RUBCNL: variants seen among roughly 807,000 people sequenced by gnomAD.
RUBCNL encodes the protein rubicon like autophagy enhancer, also known as protein associated with UVRAG as autophagy enhancer.
In RUBCNL, 62 loss-of-function variants were observed where a neutral mutation model predicts 69.5. The ratio of observed to expected loss-of-function variants is 0.89; its 90% confidence interval spans 0.73 to 1.10. The LOEUF is 1.10. Among genes scored for constraint, RUBCNL ranks in the 50% least tolerant of loss-of-function variants. The probability of loss-of-function intolerance (pLI) is 0.00; values close to 1 mark genes in which losing one functional copy is unlikely to be tolerated. For synonymous variants in RUBCNL, 291 were observed against 303.6 expected (o/e 0.96, Z 0.43); for missense variants, 768 against 798.1 (o/e 0.96, Z 0.45).
chr13:46,350,398 CT>C, intron 10 of RUBCNL, 47 bp from the exon 11 acceptor site: 1 of 1,384,474 alleles, frequency 7.2e-7, no homozygotes, highest in Non-Finnish European at 9.8e-7. Context: ...TGCTGAAAAC[CT>C]ATCCTGGTAT....
At chr13:46,365,819 A>G (rs1473843966) in intron 5 of RUBCNL, among the ~76,000 whole-genome samples, 2 of 152,248 alleles carry the variant, frequency 1.3e-5, no homozygotes, top group Non-Finnish European at 2.9e-5. Context: ...TCAGCAAGCC[A>G]TTATAGAGGA....
chr13:46,357,652 T>C (rs1202056312), intron 9 of RUBCNL, among the ~76,000 whole-genome samples: 1 of 148,024 alleles, frequency 6.8e-6, no homozygotes. Context: ...TTTTTTGAGA[T>C]GGAGTCTTAT....
rs750226595 is a variant in RUBCNL, at chr13:46,372,301, C to T, written c.175G>A (p.Val59Met). Residue 59 changes from valine (V) to methionine (M), a missense_variant, in exon 3 of 15, where the codon GTG (valine) becomes ATG (methionine). Physicochemically the swap from Val to Met is conservative, Grantham distance 21 (BLOSUM62 1). Coordinates refer to ENST00000429979, the MANE Select transcript of RUBCNL (RefSeq NM_025113.5). Reference protein sequence around the residue: ...HKAVWINPQDVQQQPQDLQSQ... With the variant: ...HKAVWINPQDMQQQPQDLQSQ... ...TGCAAGTCCTGCGGCTGTTGCTGCACATCCTGGGGGTTAATCCAGACAGCT... is the reference window on the plus strand; with the variant it reads ...TGCAAGTCCTGCGGCTGTTGCTGCATATCCTGGGGGTTAATCCAGACAGCT... The T allele has an allele frequency of 6.2e-7, 1 of 1,614,004 alleles. No homozygotes were observed. The highest frequency in any genetic ancestry group is 1.1e-5 in the South Asian group (1 of 91,082).
At chr13:46,361,924 T>A (rs561102383) in intron 7 of RUBCNL, among the ~76,000 whole-genome samples, 26 of 152,108 alleles carry the variant, frequency 1.7e-4, no homozygotes, top group Non-Finnish European at 3.5e-4. Flanking sequence ...AAAATGAGGT[T>A]TAAAAATACA....
Position 46,361,535 on chromosome 13 carries a change from A to C in RUBCNL, c.1025T>G (p.Leu342Ter). ...GAACACGCGGTACAGCTCTTTGGCT[A>C]ATAGTTCTGCAGAATTGAAGTCTGG... ...YEPDFNSAEL[L>*]AKELYRVFQK... Residue 342 changes from leucine (L) to a stop codon, truncating the protein, a stop_gained, in exon 8 of 15, where the codon TTA (leucine) becomes TGA (stop). Coordinates refer to ENST00000429979, the MANE Select transcript of RUBCNL (RefSeq NM_025113.5). LOFTEE classifies it high-confidence loss of function. 1.9e-6 allele frequency: 3 copies of C among 1,610,274 alleles called. No individual in the cohort carries two copies. Among genetic ancestry groups the C allele is most frequent in the Non-Finnish European group, 2.5e-6 (3 of 1,178,018 alleles).
chr13:46,355,221 T>C (rs116317337), intron 10 of RUBCNL, among the ~76,000 whole-genome samples: 242 of 151,806 alleles, frequency 1.6e-3, no homozygotes, highest in African/African-American at 5.7e-3. Flanking sequence ...GACATACAGG[T>C]ACCATCAGAG....
chr13:46,345,662 G>C (rs563914391), intron 12 of RUBCNL, 62 bp from the exon 13 acceptor site: 48 of 1,516,996 alleles, frequency 3.2e-5, no homozygotes, highest in Non-Finnish European at 3.1e-5. Context: ...AGGGAAGAAT[G>C]GGGCCAGTTG....
At chr13:46,358,435 A>C (rs908485193) in intron 9 of RUBCNL, among the ~76,000 whole-genome samples, 21 of 152,246 alleles carry the variant, frequency 1.4e-4, no homozygotes, top group Non-Finnish European at 2.8e-4. Context: ...AATTACAATT[A>C]AACTATTACT....
At chr13:46,348,824 G>A (rs555020859) in intron 12 of RUBCNL, among the ~76,000 whole-genome samples, 48 of 152,120 alleles carry the variant, frequency 3.2e-4, no homozygotes, top group African/African-American at 9.6e-4. Context: ...GGATGGTCTC[G>A]ATCTCTTGAC....
At chr13:46,365,252 G>A (rs2048724485) in intron 5 of RUBCNL, among the ~76,000 whole-genome samples, 2 of 141,282 alleles carry the variant, frequency 1.4e-5, no homozygotes, top group Non-Finnish European at 3.0e-5. Flanking sequence ...GCTGTGAGCC[G>A]AGATCGCACC....
In RUBCNL at chr13:46,337,538, A is replaced by G. The variant is rs981601536; in HGVS notation, c.*5847T>C. 6.6e-6 allele frequency among the ~76,000 whole-genome samples: 1 copy of G among 152,152 alleles called. No homozygotes were observed. On this transcript the variant is annotated 3_prime_UTR_variant, in exon 15 of 15. Transcript: ENST00000429979. ...GGAAGTGGTCCCTCAATAGACATCA[A>G]ATCTGCTGTTGTCTTGATCTTGGAC...
intron 1 of RUBCNL, 105 bp from the exon 2 acceptor site, chr13:46,378,110 T>G (rs1594181092): frequency 1.6e-6 from 1 of 624,020 alleles, no homozygotes; most frequent in African/African-American, 1.9e-5. Context: ...TAAGAAATAT[T>G]TTTTTACTGA....
chr13:46,369,015 G>A (rs1395386538), intron 3 of RUBCNL, among the ~76,000 whole-genome samples, 200 bp from the exon 4 acceptor site: 1 of 152,178 alleles, frequency 6.6e-6, no homozygotes, highest in African/African-American at 2.4e-5. Flanking sequence ...TCATTTCTAG[G>A]AGAGGCTGTT....
Position 46,345,584 on chromosome 13 carries a change from C to T in RUBCNL, c.1648G>A (p.Glu550Lys), listed in dbSNP as rs780465584. 117 of 1,613,494 alleles carry T rather than the reference C, an allele frequency of 7.3e-5. No individual in the cohort carries two copies. Among genetic ancestry groups the T allele is most frequent in the African/African-American group, 2.8e-4 (21 of 74,908 alleles). ...RFANSALKEF[E>K]QVPGHLTDEL... ...TCAGTCAAGTGTCCCGGCACCTGCT[C>T]GAACTCCTTTAATGCACTGCCAGAG... Residue 550 changes from glutamate to lysine, a missense_variant, in exon 13 of 15, where the codon GAG (glutamate) becomes AAG (lysine). Transcript: ENST00000429979.
chr13:46,387,367 G>T, upstream of RUBCNL: 1 of 985,472 alleles, frequency 1.0e-6, no homozygotes, highest in Non-Finnish European at 1.2e-6. Flanking sequence ...GCAAAGCGCC[G>T]TTCCCGCCGC....
chr13:46,363,671 G>A (rs889449214), intron 5 of RUBCNL, among the ~76,000 whole-genome samples: 2 of 151,762 alleles, frequency 1.3e-5, no homozygotes, highest in African/African-American at 4.8e-5. Flanking sequence ...TGGGCAACAT[G>A]GCAGAACCCC....
Position 46,372,251 on chromosome 13 carries a change from G to C in RUBCNL, c.225C>G (p.Asn75Lys), listed in dbSNP as rs778488678. ...DLQSQVPAAG[N>K]SGTHFVTDAA... The stretch of plus-strand genomic sequence containing the variant: ...CATCTGTCACAAAATGGGTCCCACT[G>C]TTCCCTGCTGCTGGCACCTGAGATT... The change falls in exon 3 of 15, where the codon AAC becomes AAG. Residue 75 changes from asparagine (N) to lysine (K), a missense_variant. Asn to Lys is a moderately conservative substitution (Grantham distance 94). Coordinates refer to ENST00000429979, the MANE Select transcript of RUBCNL (RefSeq NM_025113.5). 6.2e-7 allele frequency: 1 copy of C among 1,614,034 alleles called. No individual in the cohort carries two copies. Among genetic ancestry groups the C allele is most frequent in the South Asian group, 1.1e-5 (1 of 91,086 alleles).
At chr13:46,352,589 G>A (rs2048394453) in intron 10 of RUBCNL, among the ~76,000 whole-genome samples, 1 of 151,958 alleles carries the variant, frequency 6.6e-6, no homozygotes, top group Non-Finnish European at 1.5e-5. Context: ...CAGATCACCT[G>A]AGGTTGGGAA....
Position 46,380,406 on chromosome 13 carries a change from T to G in RUBCNL, c.-238-2401A>C, listed in dbSNP as rs372194354. ...CTGAAATGGAGACCATTAGGGGACT[T>G]ACCCAAAGTCTCGCCATTAGTAATT... On this transcript the variant is annotated intron_variant, in intron 1 of 14. Coordinates refer to ENST00000429979, the MANE Select transcript of RUBCNL (RefSeq NM_025113.5). Among the ~76,000 whole-genome samples, 342 of 152,324 alleles carry G rather than the reference T, an allele frequency of 2.2e-3. 4 individuals carry two copies. The highest frequency in any genetic ancestry group is 0.012 in the South Asian group (58 of 4,826).
Sources: allele counts gnomAD v4.1 joint callset (sites outside exome capture counted in the v4.1 genomes callset), GRCh38; gene constraint gnomAD v4.1.1; transcripts MANE v1.5; gene names NCBI Gene and HGNC (gene_info 2026-07-23, HGNC 2026-07-21).